The following TMEM132D variants were observed in gnomAD, a reference collection of about 807,000 sequenced individuals.
TMEM132D encodes the protein mature OL transmembrane protein.
A neutral mutation model predicts 62.3 loss-of-function variants in TMEM132D; 21 were observed. The ratio of observed to expected loss-of-function variants is 0.34; its 90% CI spans 0.24 to 0.49. The LOEUF is 0.49. Among genes scored for constraint, TMEM132D ranks in the 20% least tolerant of loss-of-function variants. The pLI is 0.99. For synonymous variants in TMEM132D, 621 were observed against 575.6 expected, an observed-to-expected ratio of 1.08 and a Z score of -1.13; for missense variants, 1,346 against 1,402.8, an observed-to-expected ratio of 0.96 and a Z score of 0.65.
At chr12:129,093,042 G>A (rs913235536) in intron 5 of TMEM132D, among the ~76,000 whole-genome samples, 23 of 152,156 alleles carry the variant, frequency 1.5e-4, no homozygotes, top group Admixed American at 1.4e-3. Context: ...TTAAATGGAC[G>A]CACTGGAGGA....
At chr12:129,430,687 G>A (rs1872630159) in intron 3 of TMEM132D, among the ~76,000 whole-genome samples, 1 of 152,110 alleles carries the variant, frequency 6.6e-6, no homozygotes, top group Non-Finnish European at 1.5e-5. Flanking sequence ...ACATTAGAGG[G>A]TTGATTATGA....
At chr12:129,321,191 G>C (rs1868693360) in intron 4 of TMEM132D, among the ~76,000 whole-genome samples, 1 of 152,182 alleles carries the variant, frequency 6.6e-6, no homozygotes, top group Non-Finnish European at 1.5e-5. Flanking sequence ...CAATTTCCCA[G>C]TGGAGATGTT....
At chr12:129,382,266 TAGA>T (rs1039834137) in intron 3 of TMEM132D, among the ~76,000 whole-genome samples, 34 of 152,062 alleles carry the variant, frequency 2.2e-4, no homozygotes, top group African/African-American at 7.5e-4. Context: ...TAATCAAGAT[TAGA>T]AGATGTGTCA....
intron 4 of TMEM132D, among the ~76,000 whole-genome samples, chr12:129,213,776 C>A (rs1485164278): frequency 6.6e-6 from 1 of 152,170 alleles, no homozygotes; most frequent in Non-Finnish European, 1.5e-5. Context: ...ACTTTACCTA[C>A]TCATGAGGGA....
intron 4 of TMEM132D, among the ~76,000 whole-genome samples, chr12:129,274,795 G>T (rs1880958221): frequency 6.6e-6 from 1 of 152,164 alleles, no homozygotes; most frequent in African/African-American, 2.4e-5. Flanking sequence ...GCTGAGGCAG[G>T]AGAATGGCGT....
Position 129,652,459 on chromosome 12 carries a change from C to A in TMEM132D, c.968+47351G>T, listed in dbSNP as rs192135736. Among the ~76,000 whole-genome samples, 32 of 152,298 alleles carry A rather than the reference C, an allele frequency of 2.1e-4. No homozygotes were observed. In the East Asian group the frequency reaches 6.2e-3, roughly 29 times the overall value. On this transcript the variant is annotated intron_variant, in intron 2 of 8. Coordinates refer to ENST00000422113, the MANE Select transcript of TMEM132D (RefSeq NM_133448.3). The stretch of plus-strand genomic sequence containing the variant: ...AGAAGGAATTGAGGTTGCTAATCAG[C>A]TGACCTCAAGATAAAGAGATCATCT...
At chr12:129,226,397 G>GC (rs1879481581) in intron 4 of TMEM132D, among the ~76,000 whole-genome samples, 1 of 152,192 alleles carries the variant, frequency 6.6e-6, no homozygotes, top group Admixed American at 6.5e-5. Flanking sequence ...CACAGGTTAG[G>GC]ACTTAAGAGG....
chr12:129,541,017 T>C (rs536577522), intron 2 of TMEM132D, among the ~76,000 whole-genome samples: 1 of 152,304 alleles, frequency 6.6e-6, no homozygotes, highest in South Asian at 2.1e-4. Flanking sequence ...ACATACGTTT[T>C]CTATTGCCAT....
intron 4 of TMEM132D, among the ~76,000 whole-genome samples, chr12:129,297,532 C>G (rs945562044): frequency 6.6e-6 from 1 of 152,158 alleles, no homozygotes; most frequent in Admixed American, 6.5e-5. Context: ...ACGCCTCTGC[C>G]GTTAGTAAGA....
chr12:129,813,937 T>C (rs762824512), intron 1 of TMEM132D, among the ~76,000 whole-genome samples: 5 of 152,180 alleles, frequency 3.3e-5, no homozygotes, highest in African/African-American at 4.8e-5. Flanking sequence ...TCCATTTTAA[T>C]ATTCAATAAA....
chr12:129,300,317 T>C (rs1348977996), intron 4 of TMEM132D, among the ~76,000 whole-genome samples: 2 of 152,138 alleles, frequency 1.3e-5, no homozygotes, highest in African/African-American at 4.8e-5. Context: ...CTGAGAGCCA[T>C]ACAAATGGGA....
chr12:129,268,545 G>A (rs1052037493), intron 4 of TMEM132D, among the ~76,000 whole-genome samples: 1 of 152,176 alleles, frequency 6.6e-6, no homozygotes, highest in Non-Finnish European at 1.5e-5. Context: ...ACAGGTGCTG[G>A]AGAGGATGTG....
At chr12:129,152,312 C>G (rs1452825622) in intron 5 of TMEM132D, among the ~76,000 whole-genome samples, 2 of 152,158 alleles carry the variant, frequency 1.3e-5, no homozygotes, top group Non-Finnish European at 2.9e-5. Context: ...CTCTGCTAAC[C>G]TAAAAATTCT....
intron 1 of TMEM132D, among the ~76,000 whole-genome samples, chr12:129,831,367 T>C (rs764671384): frequency 6.6e-6 from 1 of 152,196 alleles, no homozygotes; most frequent in Non-Finnish European, 1.5e-5. Context: ...GCAAATGCGA[T>C]TGCGTGTGTC....
intron 3 of TMEM132D, among the ~76,000 whole-genome samples, chr12:129,351,992 A>C (rs940230589): frequency 6.6e-5 from 10 of 152,140 alleles, no homozygotes; most frequent in Admixed American, 5.9e-4. Flanking sequence ...ATCCCTCTGC[A>C]ACTCTTCAGA....
At chr12:129,689,291 A>AC (rs1413913598) in intron 2 of TMEM132D, among the ~76,000 whole-genome samples, 1 of 152,222 alleles carries the variant, frequency 6.6e-6, no homozygotes, top group Non-Finnish European at 1.5e-5. Context: ...TCTGAATTGC[A>AC]CCTTGATTCC....
At chr12:129,452,450 G>A (rs554217986) in intron 3 of TMEM132D, among the ~76,000 whole-genome samples, 1 of 152,298 alleles carries the variant, frequency 6.6e-6, no homozygotes, top group Non-Finnish European at 1.5e-5. Flanking sequence ...TTTAGTGAAT[G>A]TTAACTTAAT....
intron 2 of TMEM132D, among the ~76,000 whole-genome samples, chr12:129,652,652 A>C (rs1388613462): frequency 6.6e-6 from 1 of 152,212 alleles, no homozygotes; most frequent in East Asian, 1.9e-4. Context: ...AGTGGCAAGA[A>C]TGCAAACTCT....
chr12:129,606,260 G>C (rs1012560502), intron 2 of TMEM132D, among the ~76,000 whole-genome samples: 1 of 152,068 alleles, frequency 6.6e-6, no homozygotes, highest in African/African-American at 2.4e-5. Context: ...GCTTCAAAGG[G>C]GCTTGGGGCA....
Sources: gnomAD v4.1 joint callset for allele counts (sites outside exome capture counted in the v4.1 genomes callset) on GRCh38, gnomAD v4.1.1 for gene constraint, MANE v1.5 for transcripts, NCBI Gene and HGNC (gene_info 2026-07-23, HGNC 2026-07-21) for gene names.